Variants in UNC79 observed in about 807,000 individuals in gnomAD.
UNC79 encodes the protein unc-79 subunit of NALCN channel complex.
A neutral mutation model predicts 283.1 loss-of-function variants in UNC79; 37 were observed. That is an observed-to-expected ratio of 0.13 (90% CI 0.10 to 0.17). The LOEUF (loss-of-function observed/expected upper bound fraction) is 0.17. Ranked by LOEUF, UNC79 falls within the 10% of genes least tolerant of loss-of-function variation. The pLI is 1.00. For missense variants in UNC79, 2,272 were observed against 3,211.1 expected (o/e 0.71, Z 7.07); for synonymous variants, 1,107 against 1,200.2 (o/e 0.92, Z 1.61).
At chr14:93,342,056 C>G (rs752764163) in intron 1 of UNC79, among the ~76,000 whole-genome samples, 1 of 152,164 alleles carries the variant, frequency 6.6e-6, no homozygotes, top group Non-Finnish European at 1.5e-5. Context: ...TGGCTTTCTT[C>G]TCACAGCTCC....
chr14:93,680,424 C>G (rs1566913597), intron 41 of UNC79, among the ~76,000 whole-genome samples: 1 of 152,182 alleles, frequency 6.6e-6, no homozygotes, highest in Non-Finnish European at 1.5e-5. Flanking sequence ...AGCCCCTTAC[C>G]TCGCATAGTA....
chr14:93,705,064 A>G (rs1177443512), intron 48 of UNC79, among the ~76,000 whole-genome samples: 1 of 152,170 alleles, frequency 6.6e-6, no homozygotes, highest in East Asian at 1.9e-4. Flanking sequence ...GCGAGACCCC[A>G]TCTCTGCAAA....
intron 1 of UNC79, among the ~76,000 whole-genome samples, chr14:93,463,904 C>T (rs989867180): frequency 3.3e-5 from 5 of 152,144 alleles, no homozygotes; most frequent in African/African-American, 9.7e-5. Flanking sequence ...AATCCCAGCA[C>T]TTTGGGAGGC....
chr14:93,429,368 G>A (rs1445078642), upstream of UNC79, among the ~76,000 whole-genome samples: 1 of 152,204 alleles, frequency 6.6e-6, no homozygotes, highest in African/African-American at 2.4e-5. Flanking sequence ...CTGCCAATCA[G>A]CAGGATGTCA....
chr14:93,655,525 C>CATGGCTGACGGA, intron 38 of UNC79, 118 bp downstream of exon 41: 3 of 1,242,116 alleles, frequency 2.4e-6, no homozygotes, highest in Non-Finnish European at 3.3e-6. Flanking sequence ...GAGGAAACTC[C>CATGGCTGACGGA]GTCAGCCATG....
intron 40 of UNC79, among the ~76,000 whole-genome samples, chr14:93,669,631 T>A (rs2072618531): frequency 6.6e-6 from 1 of 152,070 alleles, no homozygotes; most frequent in Non-Finnish European, 1.5e-5. Context: ...GCCTTGTATG[T>A]GTATTAAGGT....
At position 93,655,482 on chromosome 14, in the gene UNC79, T is replaced by A. The variant is rs2070817276; in HGVS notation, c.6456+75T>A. The A allele has an allele frequency of 2.6e-6, 4 of 1,534,878 alleles. No individual in the cohort carries two copies. In the African/African-American group the frequency reaches 4.2e-5, roughly 16 times the overall value. ...GACCGTTTATTTACAAGCAGCAGAG[T>A]CTTGGGTGATTTAATGTATCGCAAA... On this transcript the variant is annotated intron_variant, in intron 38 of 48. Coordinates refer to ENST00000555664, the Ensembl canonical transcript of UNC79.
chr14:93,643,173 A>T (rs1442764155), intron 33 of UNC79, among the ~76,000 whole-genome samples: 1 of 152,204 alleles, frequency 6.6e-6, no homozygotes, highest in African/African-American at 2.4e-5. Context: ...TAACTTCAAC[A>T]AATTAAAAAC....
At chr14:93,624,266 A>G (rs1410770421) in intron 30 of UNC79, among the ~76,000 whole-genome samples, 1 of 152,204 alleles carries the variant, frequency 6.6e-6, no homozygotes, top group African/African-American at 2.4e-5. Context: ...AATCTGTTGA[A>G]TGAACATTGG....
chr14:93,375,140 TGGGATGCTAA>T (rs1291573521), intron 1 of UNC79, among the ~76,000 whole-genome samples: 2 of 152,154 alleles, frequency 1.3e-5, no homozygotes, highest in Admixed American at 6.5e-5. Flanking sequence ...GCTGACACTT[TGGGATGCTAA>T]GGCAGGAGGA....
intron 1 of UNC79, among the ~76,000 whole-genome samples, chr14:93,414,717 G>A (rs1566920990): frequency 6.6e-6 from 1 of 152,132 alleles, no homozygotes; most frequent in African/African-American, 2.4e-5. Context: ...GCAGTGGTTT[G>A]TAGTTCTCCT....
intron 1 of UNC79, among the ~76,000 whole-genome samples, chr14:93,433,509 T>C (rs2055960209): frequency 6.6e-6 from 1 of 152,194 alleles, no homozygotes; most frequent in East Asian, 1.9e-4. Flanking sequence ...GGTAGAAGTT[T>C]AGCTACGTGT....
intron 1 of UNC79, among the ~76,000 whole-genome samples, chr14:93,414,647 T>A (rs1253974673): frequency 1.3e-5 from 2 of 152,352 alleles, no homozygotes; most frequent in East Asian, 3.9e-4. Context: ...ATATTGATTC[T>A]TCCTACTCAT....
chr14:93,413,378 A>G (rs764575171), intron 1 of UNC79, among the ~76,000 whole-genome samples: 10 of 151,910 alleles, frequency 6.6e-5, no homozygotes, highest in Non-Finnish European at 1.3e-4. Flanking sequence ...ATGGCTGCAT[A>G]GTATTCCATG....
intron 23 of UNC79, among the ~76,000 whole-genome samples, chr14:93,594,240 G>A (rs1448007897): frequency 6.6e-6 from 1 of 152,044 alleles, no homozygotes; most frequent in Non-Finnish European, 1.5e-5. Flanking sequence ...GAATCTCAGT[G>A]GGAGGTGGGG....
chr14:93,543,604 C>G (rs1160859244), intron 14 of UNC79, among the ~76,000 whole-genome samples: 1 of 151,994 alleles, frequency 6.6e-6, no homozygotes, highest in Non-Finnish European at 1.5e-5. Flanking sequence ...TGGCCTCCAG[C>G]GATCTTTCTG....
chr14:93,564,622 A>G (rs551680484), intron 14 of UNC79, among the ~76,000 whole-genome samples: 274 of 152,330 alleles, frequency 1.8e-3, no homozygotes, highest in Non-Finnish European at 2.9e-3. Flanking sequence ...TGTGTGAGCA[A>G]TAAAGCTTTT....
intron 1 of UNC79, among the ~76,000 whole-genome samples, chr14:93,443,896 A>G (rs1388772512): frequency 6.6e-6 from 1 of 152,220 alleles, no homozygotes; most frequent in Non-Finnish European, 1.5e-5. Flanking sequence ...GTTTTGGGCC[A>G]TTATGAATAT....
At chr14:93,515,669 G>A (rs2060020715) in intron 7 of UNC79, among the ~76,000 whole-genome samples, 1 of 151,816 alleles carries the variant, frequency 6.6e-6, no homozygotes, top group African/African-American at 2.4e-5. Context: ...TACCTTCTCA[G>A]GTTTGCTTAC....
Sources: gnomAD v4.1 joint callset for allele counts (sites outside exome capture counted in the v4.1 genomes callset) on GRCh38, gnomAD v4.1.1 for gene constraint, MANE v1.5 for transcripts, NCBI Gene and HGNC (gene_info 2026-07-23, HGNC 2026-07-21) for gene names.